DCLK1: variants seen among roughly 807,000 people sequenced by gnomAD.
The protein encoded by DCLK1 is doublecortin like kinase 1, also known as serine/threonine-protein kinase DCLK1.
Under a neutral mutation model 86.2 loss-of-function variants are expected in DCLK1, and 16 were observed. That is an observed-to-expected ratio of 0.19 (90% CI 0.13 to 0.28). The LOEUF is 0.28. Among genes scored for constraint, DCLK1 ranks in the 10% least tolerant of loss-of-function variants. The pLI is 1.00. For missense variants in DCLK1, 590 were observed against 940.2 expected (o/e 0.63, Z 4.87); for synonymous variants, 369 against 370.5 (o/e 1.00, Z 0.05).
chr13:35,809,202 A>G, intron 12 of DCLK1, 107 bp from the exon 13 acceptor site: 5 of 770,222 alleles, frequency 6.5e-6, no homozygotes, highest in Non-Finnish European at 1.0e-5. Flanking sequence ...AAAACCAAAC[A>G]AAATAACAAT....
rs1389981502 is a variant in DCLK1, at chr13:35,771,018, C to G, written c.*3517G>C. 2 of 152,156 alleles carry G rather than the reference C, an allele frequency of 1.3e-5. No homozygotes were observed. The highest frequency in any genetic ancestry group is 2.9e-5 in the Non-Finnish European group (2 of 68,026). The allele number at this position is 152,156 out of a possible 1,614,324, so 9.4% of individuals were successfully genotyped here. A position where few individuals can be genotyped will look rare whatever the true frequency, so the allele number is the denominator to read the frequency against. The stretch of plus-strand genomic sequence containing the variant: ...ACCCAGAGAAGGGCTAAGAGCAACA[C>G]AGTAATATTAAGAAAGCTCTCCCTC... On this transcript the variant is annotated 3_prime_UTR_variant, in exon 17 of 17. Coordinates refer to ENST00000360631, the MANE Select transcript of DCLK1 (RefSeq NM_001330071.2).
intron 3 of DCLK1, among the ~76,000 whole-genome samples, chr13:35,981,510 G>T (rs538165652): frequency 6.6e-6 from 1 of 151,924 alleles, no homozygotes; most frequent in African/African-American, 2.4e-5. Flanking sequence ...AGAATCCATG[G>T]TTTACCTTAG....
chr13:35,855,844 A>G, intron 5 of DCLK1: 1 of 1,182,610 alleles, frequency 8.5e-7, no homozygotes, highest in Non-Finnish European at 1.0e-6. Flanking sequence ...AGTACTTTGC[A>G]CTGAATCATA....
At chr13:35,847,846 A>C in intron 6 of DCLK1, 1 of 985,210 alleles carries the variant, frequency 1.0e-6, no homozygotes, top group Non-Finnish European at 1.2e-6. Flanking sequence ...AGAACCTGAC[A>C]CTTCTTAAAA....
chr13:35,883,578 G>A (rs1434928006), intron 4 of DCLK1, among the ~76,000 whole-genome samples: 2 of 152,164 alleles, frequency 1.3e-5, no homozygotes, highest in Admixed American at 6.5e-5. Context: ...CCAGCCTCAA[G>A]TATTCCTTTA....
intron 6 of DCLK1, among the ~76,000 whole-genome samples, chr13:35,840,372 G>A (rs749357754): frequency 1.3e-5 from 2 of 152,178 alleles, no homozygotes; most frequent in Non-Finnish European, 2.9e-5. Context: ...TGCTGCCTAA[G>A]TCACTGCAGA....
At chr13:35,999,555 C>A (rs1027092776) in intron 3 of DCLK1, among the ~76,000 whole-genome samples, 1 of 152,148 alleles carries the variant, frequency 6.6e-6, no homozygotes, top group Non-Finnish European at 1.5e-5. Flanking sequence ...CACAAAAACC[C>A]CTTCTACCTG....
intron 4 of DCLK1, among the ~76,000 whole-genome samples, chr13:35,928,470 GA>G: frequency 6.6e-6 from 1 of 152,194 alleles, no homozygotes; most frequent in African/African-American, 2.4e-5. Context: ...ACTGCTTCCT[GA>G]AGTCTTGCCC....
Position 36,023,762 on chromosome 13 carries a change from A to G in DCLK1, c.724-76305T>C, listed in dbSNP as rs192231565. Among the ~76,000 whole-genome samples, 372 of 152,240 alleles carry G rather than the reference A, an allele frequency of 2.4e-3. 3 individuals carry two copies. Among genetic ancestry groups the G allele is most frequent in the African/African-American group, 8.7e-3 (361 of 41,544 alleles). On this transcript the variant is annotated intron_variant, in intron 3 of 16. Transcript: ENST00000360631. ...GTAAGAAAAACTGGAAATAGAATGA[A>G]CTTTTCACAGTCTGATAAAACAGCA...
intron 4 of DCLK1, among the ~76,000 whole-genome samples, chr13:35,884,697 T>G (rs1873121572): frequency 6.6e-6 from 1 of 152,108 alleles, no homozygotes; most frequent in African/African-American, 2.4e-5. Context: ...ATACTCAACC[T>G]ACTCTAGCAC....
At chr13:35,816,356 T>C (rs1022144921) in intron 11 of DCLK1, among the ~76,000 whole-genome samples, 10 of 152,186 alleles carry the variant, frequency 6.6e-5, no homozygotes, top group African/African-American at 2.4e-4. Context: ...TATCCTTCTT[T>C]TTCCATTGAA....
At chr13:35,950,379 A>G (rs1209485936) in intron 3 of DCLK1, among the ~76,000 whole-genome samples, 1 of 152,254 alleles carries the variant, frequency 6.6e-6, no homozygotes, top group Non-Finnish European at 1.5e-5. Context: ...CCTCTTCTTT[A>G]GACAAATGTA....
At chr13:35,827,092 A>G (rs1443683236) in intron 10 of DCLK1, among the ~76,000 whole-genome samples, 1 of 152,196 alleles carries the variant, frequency 6.6e-6, no homozygotes, top group Non-Finnish European at 1.5e-5. Context: ...GTTTGTTTTC[A>G]TAGAATAAGA....
At chr13:36,064,295 T>C (rs924203815) in intron 3 of DCLK1, among the ~76,000 whole-genome samples, 3 of 152,208 alleles carry the variant, frequency 2.0e-5, no homozygotes, top group African/African-American at 7.2e-5. Flanking sequence ...CATCGTAAGT[T>C]TGCTCGTGTG....
At chr13:35,886,617 T>G (rs990440433) in intron 4 of DCLK1, among the ~76,000 whole-genome samples, 1 of 152,202 alleles carries the variant, frequency 6.6e-6, no homozygotes, top group Non-Finnish European at 1.5e-5. Flanking sequence ...GACTCAGTTA[T>G]GCCTATGGGT....
chr13:35,912,106 C>T (rs898712495), intron 4 of DCLK1, among the ~76,000 whole-genome samples: 59 of 152,278 alleles, frequency 3.9e-4, no homozygotes, highest in Admixed American at 5.9e-4. Flanking sequence ...CAATCACGGC[C>T]CTCCCTTTCT....
At chr13:36,007,814 C>A (rs900204717) in intron 3 of DCLK1, among the ~76,000 whole-genome samples, 29 of 152,060 alleles carry the variant, frequency 1.9e-4, no homozygotes, top group Non-Finnish European at 4.3e-4. Context: ...AAGAGCATAT[C>A]CATCTGATCA....
intron 16 of DCLK1, chr13:35,788,127 G>T: frequency 7.9e-7 from 1 of 1,270,106 alleles, no homozygotes; most frequent in Non-Finnish European, 1.2e-6. Context: ...TCAAAAGCAT[G>T]TTTATCCACC....
chr13:36,102,193 T>C (rs77520888), intron 3 of DCLK1, among the ~76,000 whole-genome samples: 1 of 150,148 alleles, frequency 6.7e-6, no homozygotes, highest in East Asian at 2.0e-4. Context: ...TCTAATCTTT[T>C]TTTTTTTTTT....
Sources: gnomAD v4.1 joint callset for allele counts (sites outside exome capture counted in the v4.1 genomes callset) on GRCh38, gnomAD v4.1.1 for gene constraint, MANE v1.5 for transcripts, NCBI Gene and HGNC (gene_info 2026-07-23, HGNC 2026-07-21) for gene names.